Variants in CALD1 observed in about 807,000 individuals in gnomAD.
CALD1 encodes caldesmon 1.
CALD1 carries 33 observed loss-of-function variants against 99.9 expected under a neutral mutation model. The ratio of observed to expected loss-of-function variants is 0.33; its 90% CI spans 0.25 to 0.44. The LOEUF (loss-of-function observed/expected upper bound fraction) is 0.44. Among genes scored for constraint, CALD1 ranks in the 20% least tolerant of loss-of-function variants. The pLI is 1.00. For missense variants in CALD1, 861 were observed against 962.1 expected, an observed-to-expected ratio of 0.89 and a Z score of 1.39; for synonymous variants, 310 against 325.0, an observed-to-expected ratio of 0.95 and a Z score of 0.50.
At chr7:134,850,401 A>T (rs1462033384) in intron 2 of CALD1, among the ~76,000 whole-genome samples, 3 of 152,204 alleles carry the variant, frequency 2.0e-5, no homozygotes, top group African/African-American at 7.2e-5. Flanking sequence ...GCCTGGATGT[A>T]GACCCCAGCT....
the CALD1 span, among the ~76,000 whole-genome samples, chr7:134,726,398 TTATATTATATAGCTTTATATATATAATA>T: frequency 7.0e-3 from 879 of 125,016 alleles, 19 homozygotes; most frequent in Non-Finnish European, 9.1e-3. Flanking sequence ...TTTTTATATA[TTATATTATATAGCTTTATATATATAATA>T]TATATTATAT....
chr7:134,755,702 C>T (rs1796721511), intron 1 of CALD1, among the ~76,000 whole-genome samples: 1 of 144,670 alleles, frequency 6.9e-6, no homozygotes, highest in African/African-American at 2.4e-5. Context: ...TTTATCCTTA[C>T]TCTGTCTCTT....
chr7:134,874,403 T>G (rs1458949285), intron 3 of CALD1, among the ~76,000 whole-genome samples: 2 of 152,208 alleles, frequency 1.3e-5, no homozygotes, highest in Non-Finnish European at 2.9e-5. Flanking sequence ...GGTCTCAAAC[T>G]CCTGGCCTCA....
chr7:134,937,449 T>A (rs1249010414), intron 6 of CALD1, among the ~76,000 whole-genome samples: 1 of 152,048 alleles, frequency 6.6e-6, no homozygotes, highest in East Asian at 1.9e-4. Context: ...CTGGTTTTTT[T>A]AAAAAAAGAA....
At chr7:134,945,860 A>C (rs928386493) in intron 7 of CALD1, among the ~76,000 whole-genome samples, 2 of 152,372 alleles carry the variant, frequency 1.3e-5, no homozygotes, top group East Asian at 3.9e-4. Flanking sequence ...CACTGTGTTT[A>C]GCTCTTAATC....
chr7:134,928,808 C>G lies in CALD1; in HGVS notation c.126C>G (p.Arg42=). The change falls in exon 4 of 15, where the codon CGC becomes CGG. Residue 42 remains arginine (R), a synonymous_variant. Coordinates refer to ENST00000361675, the MANE Select transcript of CALD1 (RefSeq NM_033138.4). ...DDEEEAARER[R]RRARQERLRQ... ...AAGAGGAGGCAGCCCGGGAACGGCGCCGCCGAGCCCGACAGGAACGGCTGC... is the reference window on the plus strand; with the variant it reads ...AAGAGGAGGCAGCCCGGGAACGGCGGCGCCGAGCCCGACAGGAACGGCTGC... 6.2e-7 allele frequency: 1 copy of G among 1,613,998 alleles called. No individual in the cohort carries two copies. The highest frequency in any genetic ancestry group is 2.2e-5 in the East Asian group (1 of 44,872).
chr7:134,946,167 G>A (rs1806850408), intron 7 of CALD1, among the ~76,000 whole-genome samples: 4 of 152,128 alleles, frequency 2.6e-5, no homozygotes, highest in South Asian at 4.1e-4. Context: ...TATTTATACT[G>A]TAGATGATAT....
chr7:134,939,421 A>C (rs1188195984), intron 6 of CALD1, among the ~76,000 whole-genome samples: 1 of 152,180 alleles, frequency 6.6e-6, no homozygotes, highest in Non-Finnish European at 1.5e-5. Context: ...TCAGCACTGG[A>C]GCCAAAAGTC....
intron 2 of CALD1, among the ~76,000 whole-genome samples, chr7:134,845,218 C>CT (rs1387691035): frequency 6.6e-6 from 1 of 152,066 alleles, no homozygotes; most frequent in East Asian, 1.9e-4. Flanking sequence ...GAGAGTGTGC[C>CT]TTTTACATCT....
intron 1 of CALD1, among the ~76,000 whole-genome samples, chr7:134,789,416 G>A (rs995399280): frequency 5.3e-5 from 8 of 152,166 alleles, no homozygotes; most frequent in African/African-American, 1.9e-4. Flanking sequence ...TGTGGCTCTA[G>A]AAAGAATTGA....
chr7:134,960,420 G>T, intron 12 of CALD1, 113 bp from the exon 13 acceptor site: 1 of 749,262 alleles, frequency 1.3e-6, no homozygotes, highest in Non-Finnish European at 2.4e-6. Context: ...AAGTGTTAAG[G>T]TTTATGGTTA....
chr7:134,768,946 T>G (rs1331385336), intron 1 of CALD1, among the ~76,000 whole-genome samples: 1 of 152,140 alleles, frequency 6.6e-6, no homozygotes, highest in African/African-American at 2.4e-5. Flanking sequence ...TAATTCCAAT[T>G]GCAACCTGCT....
chr7:134,886,260 G>T (rs191927849), intron 3 of CALD1, among the ~76,000 whole-genome samples: 16 of 152,242 alleles, frequency 1.1e-4, no homozygotes, highest in Admixed American at 9.2e-4. Context: ...AAATTAGAAA[G>T]AAATAAAGTC....
intron 1 of CALD1, among the ~76,000 whole-genome samples, chr7:134,840,183 G>C (rs1283916178): frequency 6.6e-6 from 1 of 152,142 alleles, no homozygotes; most frequent in East Asian, 1.9e-4. Flanking sequence ...TTCACATTTA[G>C]ATCCACAATC....
chr7:134,727,977 A>G, the CALD1 span, among the ~76,000 whole-genome samples: 1 of 152,204 alleles, frequency 6.6e-6, no homozygotes, highest in Non-Finnish European at 1.5e-5. Context: ...GAAGTAAACG[A>G]TCCAAGTCTG....
intron 1 of CALD1, among the ~76,000 whole-genome samples, chr7:134,831,278 G>A (rs925957191): frequency 7.2e-5 from 11 of 152,014 alleles, no homozygotes; most frequent in African/African-American, 2.7e-4. Flanking sequence ...TAATCTCAGG[G>A]TGGGAAGGAT....
At chr7:134,711,710 G>A in the CALD1 span, among the ~76,000 whole-genome samples, 3 of 135,484 alleles carry the variant, frequency 2.2e-5, no homozygotes, top group Non-Finnish European at 4.7e-5. Context: ...GTGTGTGTGT[G>A]TGTGTGTGTG....
At chr7:134,793,903 CTTCTT>C (rs1183913623) in intron 1 of CALD1, among the ~76,000 whole-genome samples, 1 of 151,264 alleles carries the variant, frequency 6.6e-6, no homozygotes, top group Non-Finnish European at 1.5e-5. Context: ...GTATTTCTGT[CTTCTT>C]TTATCTCCTC....
At chr7:134,887,722 GTA>G (rs996237176) in intron 3 of CALD1, among the ~76,000 whole-genome samples, 168 of 146,504 alleles carry the variant, frequency 1.1e-3, no homozygotes, top group Middle Eastern at 3.5e-3. Flanking sequence ...GCATGCATGC[GTA>G]TATGTGTTTG....
Sources: allele counts gnomAD v4.1 joint callset (sites outside exome capture counted in the v4.1 genomes callset), GRCh38; gene constraint gnomAD v4.1.1; transcripts MANE v1.5; gene names NCBI Gene and HGNC (gene_info 2026-07-23, HGNC 2026-07-21).